TPD52L1: variants seen among roughly 807,000 people sequenced by gnomAD.
The protein encoded by TPD52L1 is tumor protein D53.
TPD52L1 carries 18 observed loss-of-function variants against 28.7 expected under a neutral mutation model. The observed-to-expected ratio is 0.63, with a 90% CI of 0.43 to 0.93. The LOEUF (loss-of-function observed/expected upper bound fraction) is 0.93. TPD52L1 is among the 40% of genes least tolerant of loss of function. The pLI, the probability that TPD52L1 is intolerant of heterozygous loss-of-function variation, is 0.00. For missense variants in TPD52L1, 203 were observed against 254.8 expected (o/e 0.80, Z 1.39); for synonymous variants, 75 against 88.8 (o/e 0.84, Z 0.88).
intron 4 of TPD52L1, 161 bp from the exon 5 acceptor site, chr6:125,253,556 T>C: frequency 3.0e-6 from 2 of 659,446 alleles, no homozygotes; most frequent in East Asian, 5.3e-5. Flanking sequence ...CTATACCCAT[T>C]ATACCCAACA....
At chr6:125,219,288 A>G (rs971369877) in intron 1 of TPD52L1, among the ~76,000 whole-genome samples, 20 of 152,188 alleles carry the variant, frequency 1.3e-4, no homozygotes, top group Non-Finnish European at 2.9e-5. Context: ...GAAGTCATTT[A>G]TCTCACATAA....
intron 1 of TPD52L1, chr6:125,219,846 C>T (rs532363063): frequency 6.8e-5 from 35 of 513,406 alleles, no homozygotes; most frequent in South Asian, 6.7e-4. Flanking sequence ...GTCCTGTTTA[C>T]ATCTCTGCCT....
At chr6:125,162,434 TAAG>T (rs1215004578) in intron 1 of TPD52L1, among the ~76,000 whole-genome samples, 4 of 152,208 alleles carry the variant, frequency 2.6e-5, no homozygotes, top group South Asian at 2.1e-4. Context: ...TTGTGGCCTA[TAAG>T]AAGATGTGCT....
intron 1 of TPD52L1, among the ~76,000 whole-genome samples, chr6:125,202,023 C>A (rs1793826153): frequency 6.6e-6 from 1 of 152,150 alleles, no homozygotes; most frequent in East Asian, 1.9e-4. Context: ...ATACGTCTGA[C>A]CAATGCTTTT....
chr6:125,168,951 A>G (rs1216953106), intron 1 of TPD52L1, among the ~76,000 whole-genome samples: 3 of 152,128 alleles, frequency 2.0e-5, no homozygotes, highest in African/African-American at 7.2e-5. Context: ...GGAAAAAGAG[A>G]AAGTCAGCAC....
intron 1 of TPD52L1, among the ~76,000 whole-genome samples, chr6:125,192,889 T>C (rs1793152746): frequency 6.6e-6 from 1 of 152,206 alleles, no homozygotes; most frequent in Admixed American, 6.5e-5. Context: ...CTTGGAAGCT[T>C]TGATTAGCAT....
At chr6:125,209,048 C>A in intron 1 of TPD52L1, 2 of 707,902 alleles carry the variant, frequency 2.8e-6, no homozygotes, top group Non-Finnish European at 1.7e-6. Context: ...TTATTTATTT[C>A]CCATACACAG....
At chr6:125,154,453 C>G (rs2114716154) in intron 1 of TPD52L1, 2 of 986,580 alleles carry the variant, frequency 2.0e-6, no homozygotes, top group Non-Finnish European at 2.4e-6. Flanking sequence ...CCCGGCTGCG[C>G]GAGACGCTTC....
intron 4 of TPD52L1, among the ~76,000 whole-genome samples, chr6:125,250,970 AT>A (rs1439510285): frequency 3.3e-5 from 5 of 152,232 alleles, no homozygotes; most frequent in Non-Finnish European, 7.3e-5. Flanking sequence ...TTTTATGTGT[AT>A]ATTTCTCTCA....
At position 125,261,005 on chromosome 6, in the gene TPD52L1, A is replaced by C. The variant is rs1243291825; in HGVS notation, c.487-1829A>C. 13 of 47,878 alleles carry C rather than the reference A, an allele frequency of 2.7e-4. 1 individual carries two copies. Among genetic ancestry groups the C allele is most frequent in the Admixed American group, 2.3e-3 (9 of 3,870 alleles). The allele number at this position is 47,878 out of a possible 1,614,324, so 3.0% of individuals were successfully genotyped here. Reference sequence around the variant, plus strand: ...AGAAAAGAAAGAAAGAAAGAAAGAAAGAAAGAAAGAAAGAAAAGAAAAGAA... The same window carrying C: ...AGAAAAGAAAGAAAGAAAGAAAGAACGAAAGAAAGAAAGAAAAGAAAAGAA... On this transcript the variant is annotated intron_variant, in intron 6 of 6. Transcript: ENST00000534000.
intron 1 of TPD52L1, among the ~76,000 whole-genome samples, chr6:125,211,308 G>A (rs191643216): frequency 9.0e-6 from 1 of 111,478 alleles, no homozygotes; most frequent in East Asian, 2.6e-4. Context: ...TCTATCTATC[G>A]TGTAACACAT....
chr6:125,234,669 T>C (rs138311201), intron 3 of TPD52L1, among the ~76,000 whole-genome samples: 175 of 152,276 alleles, frequency 1.1e-3, no homozygotes, highest in African/African-American at 4.0e-3. Flanking sequence ...GTCAAGTCAA[T>C]CAAGGTATTA....
At chr6:125,166,565 G>A (rs56073643) in intron 1 of TPD52L1, among the ~76,000 whole-genome samples, 2,563 of 152,220 alleles carry the variant, frequency 0.017, 78 homozygotes, top group African/African-American at 0.059. Flanking sequence ...TAGGTGAAGT[G>A]CCTAGGAGCC....
intron 1 of TPD52L1, among the ~76,000 whole-genome samples, chr6:125,218,163 C>T (rs551159): frequency 0.6 from 91,794 of 152,090 alleles, 30,240 homozygotes; most frequent in African/African-American, 0.88. Flanking sequence ...ACAATGTAGA[C>T]CATGCTAAAT....
intron 6 of TPD52L1, chr6:125,261,010 GAAAGAAAGAAAAGAAAAGA>G (rs1797993474): frequency 1.8e-4 from 5 of 27,450 alleles, no homozygotes; most frequent in African/African-American, 9.5e-4. Context: ...AAGAAAGAAA[GAAAGAAAGAAAAGAAAAGA>G]AAGAAAGAAA....
At chr6:125,179,560 C>A (rs912244548) in intron 1 of TPD52L1, among the ~76,000 whole-genome samples, 7 of 152,202 alleles carry the variant, frequency 4.6e-5, no homozygotes, top group Admixed American at 4.6e-4. Flanking sequence ...ATTTCACAAG[C>A]AGATAGTCCC....
chr6:125,232,277 G>T (rs971963169), intron 3 of TPD52L1, among the ~76,000 whole-genome samples: 2 of 152,172 alleles, frequency 1.3e-5, no homozygotes, highest in African/African-American at 4.8e-5. Flanking sequence ...TTAGGAGGAG[G>T]CATAAGTCTA....
intron 1 of TPD52L1, among the ~76,000 whole-genome samples, chr6:125,172,002 T>C (rs1196640145): frequency 1.3e-5 from 2 of 152,000 alleles, no homozygotes; most frequent in Non-Finnish European, 2.9e-5. Context: ...GGCCCTTCTA[T>C]TTAAAACGGT....
At chr6:125,238,267 G>T (rs1796398513) in intron 3 of TPD52L1, among the ~76,000 whole-genome samples, 1 of 152,114 alleles carries the variant, frequency 6.6e-6, no homozygotes, top group Non-Finnish European at 1.5e-5. Flanking sequence ...TTCTAATGAT[G>T]ATTGGTGTTT....
Sources: gnomAD v4.1 joint callset for allele counts (sites outside exome capture counted in the v4.1 genomes callset) on GRCh38, gnomAD v4.1.1 for gene constraint, MANE v1.5 for transcripts, NCBI Gene and HGNC (gene_info 2026-07-23, HGNC 2026-07-21) for gene names.